QKI: variants seen among roughly 807,000 people sequenced by gnomAD.
QKI encodes the protein QKI, KH domain containing RNA binding, also known as KH domain-containing RNA-binding protein QKI.
QKI carries 10 observed loss-of-function variants against 39.0 expected under a neutral mutation model. The observed-to-expected ratio is 0.26, with a 90% confidence interval of 0.16 to 0.43. QKI has a LOEUF of 0.43. QKI is among the 20% of genes least tolerant of loss of function. The pLI is 1.00. For synonymous variants in QKI, 204 were observed against 155.4 expected (o/e 1.31, Z -2.33); for missense variants, 218 against 428.0 (o/e 0.51, Z 4.33).
At chr6:163,485,137 T>C (rs1305216866) in intron 3 of QKI, among the ~76,000 whole-genome samples, 1 of 152,216 alleles carries the variant, frequency 6.6e-6, no homozygotes, top group Non-Finnish European at 1.5e-5. Flanking sequence ...TTTAATCCCA[T>C]GTACTTAATG....
chr6:163,548,646 G>A (rs1782035418), intron 4 of QKI, among the ~76,000 whole-genome samples: 1 of 151,754 alleles, frequency 6.6e-6, no homozygotes, highest in Admixed American at 6.6e-5. Context: ...TGTGACCAGA[G>A]TGCAGAGTGA....
At chr6:163,455,558 G>A in intron 2 of QKI, 137 bp downstream of exon 2, 1 of 901,678 alleles carries the variant, frequency 1.1e-6, no homozygotes, top group Non-Finnish European at 1.7e-6. Flanking sequence ...TGAATAATTT[G>A]GCATGATAAT....
intron 1 of QKI, among the ~76,000 whole-genome samples, chr6:163,448,739 AAAAT>A (rs1790337966): frequency 1.3e-5 from 2 of 152,066 alleles, no homozygotes; most frequent in Admixed American, 1.3e-4. Flanking sequence ...CTCCATCTCA[AAAAT>A]AAATAAGTAA....
intron 3 of QKI, among the ~76,000 whole-genome samples, chr6:163,511,761 T>G (rs755383219): frequency 7.9e-5 from 12 of 151,696 alleles, no homozygotes; most frequent in Non-Finnish European, 1.5e-4. Context: ...TTTATCAAAC[T>G]TCAAGAAAGA....
At chr6:163,569,536 T>G in intron 7 of QKI, 1 of 1,217,168 alleles carries the variant, frequency 8.2e-7, no homozygotes, top group Non-Finnish European at 1.0e-6. Flanking sequence ...TACTGTTAAG[T>G]GGACCAAGTT....
intron 2 of QKI, among the ~76,000 whole-genome samples, chr6:163,460,350 C>T (rs1030976268): frequency 6.6e-6 from 1 of 152,158 alleles, no homozygotes; most frequent in Non-Finnish European, 1.5e-5. Flanking sequence ...AGACAAATGT[C>T]TTTTCAAGGA....
At chr6:163,460,094 T>C (rs192536009) in intron 2 of QKI, among the ~76,000 whole-genome samples, 274 of 152,326 alleles carry the variant, frequency 1.8e-3, no homozygotes, top group African/African-American at 6.1e-3. Context: ...TTGATAAATA[T>C]TGGCAAGGTC....
intron 2 of QKI, among the ~76,000 whole-genome samples, chr6:163,474,234 T>C (rs1189996546): frequency 6.6e-6 from 1 of 152,180 alleles, no homozygotes; most frequent in Non-Finnish European, 1.5e-5. Flanking sequence ...GGTGGACTGT[T>C]GAAACCTTTA....
chr6:163,445,008 A>G (rs1021806657), intron 1 of QKI, among the ~76,000 whole-genome samples: 1 of 152,098 alleles, frequency 6.6e-6, no homozygotes, highest in African/African-American at 2.4e-5. Flanking sequence ...TCCTGGGCTC[A>G]AGCGATCTTT....
chr6:163,414,986 C>T lies in QKI; in HGVS notation c.-208C>T. 2 of 283,358 alleles carry T rather than the reference C, an allele frequency of 7.1e-6. No individual in the cohort carries two copies. Among genetic ancestry groups the T allele is most frequent in the Non-Finnish European group, 1.0e-5 (2 of 191,960 alleles). 17.6% of individuals were successfully genotyped at this position (283,358 alleles called of 1,614,324 possible). ...AGAGCGGCGGCGGCTGGGAGCGCGT[C>T]GGGCCCGGGCGGAAAGTGCCTGCGG... On this transcript the variant is annotated 5_prime_UTR_variant, in exon 1 of 8. Transcript: ENST00000361752.
intron 3 of QKI, among the ~76,000 whole-genome samples, chr6:163,510,217 A>AAATAACAAT (rs1779356904): frequency 7.3e-6 from 1 of 136,276 alleles, no homozygotes; most frequent in Non-Finnish European, 1.6e-5. Flanking sequence ...CTCTATCTCA[A>AAATAACAAT]AATAATAATA....
At chr6:163,436,104 T>A (rs1789248962) in intron 1 of QKI, among the ~76,000 whole-genome samples, 1 of 152,198 alleles carries the variant, frequency 6.6e-6, no homozygotes, top group Admixed American at 6.5e-5. Context: ...AGATAGCTAA[T>A]GTCCAAGTTC....
chr6:163,518,715 G>A (rs549197928), intron 3 of QKI, among the ~76,000 whole-genome samples: 18 of 152,130 alleles, frequency 1.2e-4, no homozygotes, highest in Non-Finnish European at 2.5e-4. Flanking sequence ...TTTTATACAT[G>A]TAAATAAATT....
At position 163,573,924 on chromosome 6, in the gene QKI, T is replaced by C. The variant is rs2057003; in HGVS notation, c.*3214T>C. ...AAGAACGTGACCACAGATAACATAG[T>C]GTGACTTGTTTTTATGTTGTTTGTC... On this transcript the variant is annotated 3_prime_UTR_variant, in exon 8 of 8. Transcript: ENST00000361752. 127,708 of 152,078 alleles carry C rather than the reference T, an allele frequency of 0.84. 54,183 individuals carry two copies. The highest frequency in any genetic ancestry group is 1 in the East Asian group (5,164 of 5,182). 9.4% of individuals were successfully genotyped at this position (152,078 alleles called of 1,614,324 possible).
intron 3 of QKI, among the ~76,000 whole-genome samples, chr6:163,518,580 G>A (rs958342096): frequency 1.3e-5 from 2 of 152,136 alleles, no homozygotes; most frequent in Non-Finnish European, 2.9e-5. Flanking sequence ...TTAAGGAAGA[G>A]AGTATTTTGT....
At chr6:163,443,214 A>G (rs915908503) in intron 1 of QKI, among the ~76,000 whole-genome samples, 2 of 152,216 alleles carry the variant, frequency 1.3e-5, no homozygotes, top group Admixed American at 6.5e-5. Flanking sequence ...TTCGAATTCA[A>G]TGTCAGTGCT....
At chr6:163,486,759 C>T (rs1018751497) in intron 3 of QKI, among the ~76,000 whole-genome samples, 10 of 152,100 alleles carry the variant, frequency 6.6e-5, no homozygotes, top group Non-Finnish European at 5.9e-5. Flanking sequence ...CATATGTACA[C>T]GTATGGTATA....
intron 3 of QKI, among the ~76,000 whole-genome samples, chr6:163,511,177 T>C (rs1303349731): frequency 6.6e-6 from 1 of 152,088 alleles, no homozygotes; most frequent in African/African-American, 2.4e-5. Flanking sequence ...CAGAAAATAT[T>C]TTGGACCGAG....
chr6:163,520,979 C>T (rs1780118711), intron 3 of QKI, among the ~76,000 whole-genome samples: 1 of 152,014 alleles, frequency 6.6e-6, no homozygotes, highest in Non-Finnish European at 1.5e-5. Flanking sequence ...AAATGTATGC[C>T]TAGAGGACCT....
Sources: allele counts gnomAD v4.1 joint callset (sites outside exome capture counted in the v4.1 genomes callset), GRCh38; gene constraint gnomAD v4.1.1; transcripts MANE v1.5; gene names NCBI Gene and HGNC (gene_info 2026-07-23, HGNC 2026-07-21).